The following NALF1 variants were observed in gnomAD, a reference collection of about 807,000 sequenced individuals.
NALF1 encodes NALCN channel auxiliary factor 1, also known as family with sequence similarity 155 member A.
In NALF1, 3 loss-of-function variants were observed where a neutral mutation model predicts 48.4. The ratio of observed to expected loss-of-function variants is 0.06; its 90% CI spans 0.03 to 0.16. The LOEUF (loss-of-function observed/expected upper bound fraction) is 0.16, where lower values mean the gene tolerates loss of function less well. Ranked by LOEUF, NALF1 falls within the 10% of genes least tolerant of loss-of-function variation. NALF1 has a pLI of 1.00. For missense variants in NALF1, 526 were observed against 571.5 expected (o/e 0.92, Z 0.81); for synonymous variants, 262 against 245.7 (o/e 1.07, Z -0.62).
In NALF1 at chr13:107,867,150, T is replaced by C. The variant is rs546664183; in HGVS notation, c.-554A>G. ...CTCCTCCTCCTCCTCCTCCTCTTCTTCTCCTCCTCTTCCTCCTCCTTCCTT... is the reference window on the plus strand; with the variant it reads ...CTCCTCCTCCTCCTCCTCCTCTTCTCCTCCTCCTCTTCCTCCTCCTTCCTT... On this transcript the variant is annotated 5_prime_UTR_variant, in exon 1 of 3. Coordinates refer to ENST00000375915, the MANE Select transcript of NALF1 (RefSeq NM_001080396.3). The surrounding 1 kb of genome is among the most constrained non-coding windows in gnomAD (Gnocchi z 4.4). Among the ~76,000 whole-genome samples the C allele has an allele frequency of 6.6e-5, 10 of 150,974 alleles. No individual in the cohort carries two copies. The highest frequency in any genetic ancestry group is 1.5e-4 in the African/African-American group (6 of 41,234).
At chr13:107,305,088 T>G (rs143354726) in intron 1 of NALF1, among the ~76,000 whole-genome samples, 1 of 152,226 alleles carries the variant, frequency 6.6e-6, no homozygotes, top group Non-Finnish European at 1.5e-5. Context: ...AACTTCTGCT[T>G]ACTCCTTATA....
intron 1 of NALF1, among the ~76,000 whole-genome samples, chr13:107,375,071 GA>G (rs1279602161): frequency 1.3e-5 from 2 of 152,086 alleles, no homozygotes; most frequent in Admixed American, 1.3e-4. Flanking sequence ...TAGTTTTATA[GA>G]AAAAGAAGTA....
At chr13:107,563,139 T>C (rs763461514) in intron 1 of NALF1, among the ~76,000 whole-genome samples, 1 of 152,138 alleles carries the variant, frequency 6.6e-6, no homozygotes, top group Non-Finnish European at 1.5e-5. Flanking sequence ...TCCTTGCTAT[T>C]TGAGCAGTGA....
chr13:107,620,807 T>C lies in NALF1; in HGVS notation c.915+244875A>G, dbSNP rs1229690206. 2.1e-4 allele frequency among the ~76,000 whole-genome samples: 32 copies of C among 152,210 alleles called. 1 individual carries two copies. Among genetic ancestry groups the C allele is most frequent in the Non-Finnish European group, 1.6e-4 (11 of 68,036 alleles). The stretch of plus-strand genomic sequence containing the variant: ...TATGTGACAGAGAAGTCTGGAATTG[T>C]CTGTGCAGTGAGGGAATGAGGGAGG... On this transcript the variant is annotated intron_variant, in intron 1 of 2. Transcript: ENST00000375915.
chr13:107,786,742 A>AAG (rs1164176180), intron 1 of NALF1, among the ~76,000 whole-genome samples: 3 of 150,442 alleles, frequency 2.0e-5, no homozygotes, highest in Admixed American at 6.6e-5. Context: ...CAGAAAAAAA[A>AAG]AGAGAGAGAG....
intron 1 of NALF1, among the ~76,000 whole-genome samples, chr13:107,511,211 G>C (rs1270823005): frequency 6.6e-6 from 1 of 152,154 alleles, no homozygotes; most frequent in Non-Finnish European, 1.5e-5. Context: ...ATATTTTAGT[G>C]AGCAGAAGCA....
At chr13:107,182,425 C>G (rs951187273) in intron 2 of NALF1, among the ~76,000 whole-genome samples, 2 of 151,968 alleles carry the variant, frequency 1.3e-5, no homozygotes, top group African/African-American at 2.4e-5. Context: ...CAGGTGAATG[C>G]CACCACGCCT....
intron 1 of NALF1, among the ~76,000 whole-genome samples, chr13:107,857,356 A>C (rs1880464090): frequency 6.6e-6 from 1 of 152,242 alleles, no homozygotes; most frequent in Admixed American, 6.5e-5. Context: ...AGGGTGCAGG[A>C]CAAAGTTCAC....
Position 107,865,409 on chromosome 13 carries a change from T to TGTA in NALF1, c.915+270_915+272dup, listed in dbSNP as rs1271859349. On this transcript the variant is annotated intron_variant, in intron 1 of 2. Transcript: ENST00000375915. The stretch of plus-strand genomic sequence containing the variant: ...ACAGAGTTTGAGCCAACTGCATGAA[T>TGTA]GTAAGAAACAGTTAAAGTGCCAGCT... 2.0e-5 allele frequency among the ~76,000 whole-genome samples: 3 copies of TGTA among 152,152 alleles called. No individual in the cohort carries two copies. The East Asian group carries it at 5.8e-4, about 29-fold the overall frequency.
At chr13:107,783,943 A>G (rs2138581262) in intron 1 of NALF1, among the ~76,000 whole-genome samples, 1 of 151,866 alleles carries the variant, frequency 6.6e-6, no homozygotes, top group East Asian at 1.9e-4. Context: ...TTCTTCTTCT[A>G]CCTAGTATAC....
chr13:107,790,137 C>T, intron 1 of NALF1, among the ~76,000 whole-genome samples: 1 of 152,096 alleles, frequency 6.6e-6, no homozygotes, highest in Non-Finnish European at 1.5e-5. Context: ...TAAGAATTTT[C>T]CTGAAGCATT....
chr13:107,795,834 A>G (rs917750756), intron 1 of NALF1, among the ~76,000 whole-genome samples: 1 of 152,204 alleles, frequency 6.6e-6, no homozygotes, highest in Non-Finnish European at 1.5e-5. Flanking sequence ...GTTTCATCTC[A>G]GTAGCATTGT....
intron 1 of NALF1, among the ~76,000 whole-genome samples, chr13:107,498,551 C>A (rs1310317435): frequency 1.3e-5 from 2 of 152,038 alleles, no homozygotes; most frequent in South Asian, 4.2e-4. Flanking sequence ...GGAAAGATAT[C>A]TGTTGATGCA....
At chr13:107,444,480 G>A (rs576937887) in intron 1 of NALF1, among the ~76,000 whole-genome samples, 12 of 151,822 alleles carry the variant, frequency 7.9e-5, no homozygotes, top group African/African-American at 2.9e-4. Context: ...TCATATCTTA[G>A]TATACTTATT....
chr13:107,858,409 G>A (rs912436400), intron 1 of NALF1, among the ~76,000 whole-genome samples: 29 of 152,044 alleles, frequency 1.9e-4, no homozygotes, highest in Non-Finnish European at 3.1e-4. Flanking sequence ...TACCCATCTC[G>A]GCTGGGTGCG....
intron 1 of NALF1, among the ~76,000 whole-genome samples, chr13:107,572,951 G>A (rs945379628): frequency 8.6e-5 from 13 of 152,004 alleles, no homozygotes; most frequent in African/African-American, 2.2e-4. Flanking sequence ...CACAGCCTAC[G>A]GGGCTCTTCC....
chr13:107,332,299 T>A (rs959944799), intron 1 of NALF1, among the ~76,000 whole-genome samples: 1 of 152,204 alleles, frequency 6.6e-6, no homozygotes. Context: ...GTGTGCCACC[T>A]GGCATACAAA....
Position 107,311,641 on chromosome 13 carries a change from A to T in NALF1, c.916-100886T>A, listed in dbSNP as rs1027220336. On this transcript the variant is annotated intron_variant, in intron 1 of 2. Transcript: ENST00000375915. ...CAAAAACTATTCAGTAAAAGCCTAA[A>T]AATGGGAGAAAATTTTTGCAACCTA... Among the ~76,000 whole-genome samples the T allele has an allele frequency of 2.0e-5, 3 of 151,980 alleles. No individual in the cohort carries two copies. In the South Asian group the frequency reaches 6.2e-4, roughly 32 times the overall value.
At chr13:107,726,506 A>C (rs775357257) in intron 1 of NALF1, among the ~76,000 whole-genome samples, 1 of 152,134 alleles carries the variant, frequency 6.6e-6, no homozygotes, top group Non-Finnish European at 1.5e-5. Flanking sequence ...TATGTGATGT[A>C]AAGAAAGGCT....
Sources: gnomAD v4.1 joint callset for allele counts (sites outside exome capture counted in the v4.1 genomes callset) on GRCh38, gnomAD v4.1.1 for gene constraint, Gnocchi (gnomAD v3.1) non-coding constraint, MANE v1.5 for transcripts, NCBI Gene and HGNC (gene_info 2026-07-23, HGNC 2026-07-21) for gene names.